The following CPAP variants were observed in gnomAD, a reference collection of about 807,000 sequenced individuals.
CPAP encodes centrosome assembly and centriole elongation protein, also known as centrosomal P4.1-associated protein.
chr13:24,917,143 G>C, the CPAP span, among the ~76,000 whole-genome samples: 1 of 152,024 alleles, frequency 6.6e-6, no homozygotes, highest in Non-Finnish European at 1.5e-5. Context: ...CCAGCTACTC[G>C]GGGAGGCTGA....
chr13:24,903,917 C>G, the CPAP span: 3 of 1,614,022 alleles, frequency 1.9e-6, no homozygotes, highest in Non-Finnish European at 2.5e-6. Context: ...CTTACAGACC[C>G]AAACGTACCT....
the CPAP span, chr13:24,912,735 T>C: frequency 1.9e-6 from 3 of 1,614,198 alleles, no homozygotes; most frequent in South Asian, 3.3e-5. Context: ...AAGGAAAGGC[T>C]GTATGGGTTT....
At chr13:24,933,528 G>A in the CPAP span, 1 of 170,606 alleles carries the variant, frequency 5.9e-6, no homozygotes, top group Non-Finnish European at 1.3e-5. Flanking sequence ...ATACTGGTAA[G>A]CCAGGTTCCT....
chr13:24,892,768 A>G, the CPAP span: 1 of 1,613,718 alleles, frequency 6.2e-7, no homozygotes, highest in East Asian at 2.2e-5. Flanking sequence ...TCTCTGACTA[A>G]CATTTGTATC....
chr13:24,921,483 G>C, the CPAP span, among the ~76,000 whole-genome samples: 2 of 152,166 alleles, frequency 1.3e-5, no homozygotes, highest in East Asian at 3.8e-4. Flanking sequence ...AACTGGGAAG[G>C]TTAATACAGG....
At chr13:24,908,520 C>A in the CPAP span, among the ~76,000 whole-genome samples, 1 of 148,568 alleles carries the variant, frequency 6.7e-6, no homozygotes. Context: ...AGGCTGAGAG[C>A]AAGCAGAGGT....
the CPAP span, chr13:24,885,814 A>G: frequency 1.5e-6 from 1 of 673,940 alleles, no homozygotes; most frequent in African/African-American, 1.8e-5. Context: ...TTTCTTTACT[A>G]ATTTGTAGTT....
chr13:24,893,953 G>A, the CPAP span, among the ~76,000 whole-genome samples: 3 of 152,082 alleles, frequency 2.0e-5, no homozygotes, highest in Non-Finnish European at 2.9e-5. Flanking sequence ...AGGGGGTGAC[G>A]GGAGAGTGGC....
the CPAP span, chr13:24,907,928 A>G: frequency 8.1e-6 from 8 of 988,086 alleles, no homozygotes; most frequent in Non-Finnish European, 1.3e-5. Context: ...CCAGAAAAAT[A>G]TAGATCTTTC....
At chr13:24,895,513 G>A in the CPAP span, among the ~76,000 whole-genome samples, 3 of 152,070 alleles carry the variant, frequency 2.0e-5, no homozygotes, top group African/African-American at 4.8e-5. Flanking sequence ...GGGAGGGGCC[G>A]GCCACTGCAC....
At chr13:24,885,163 G>A in the CPAP span, 1 of 717,784 alleles carries the variant, frequency 1.4e-6, no homozygotes, top group Non-Finnish European at 2.4e-6. Flanking sequence ...ACGAGAAATG[G>A]CAACTAAAGG....
At chr13:24,900,633 A>G in the CPAP span, among the ~76,000 whole-genome samples, 1 of 151,950 alleles carries the variant, frequency 6.6e-6, no homozygotes, top group Non-Finnish European at 1.5e-5. Flanking sequence ...CAAGAGTGAA[A>G]CTCCATCTCA....
At chr13:24,905,346 C>T in the CPAP span, 12 of 1,613,366 alleles carry the variant, frequency 7.4e-6, no homozygotes, top group Non-Finnish European at 1.0e-5. Flanking sequence ...TCTGACTCAC[C>T]AGGTGGTTGG....
At chr13:24,906,409 C>T in the CPAP span, 1 of 1,613,564 alleles carries the variant, frequency 6.2e-7, no homozygotes, top group Non-Finnish European at 8.5e-7. Context: ...TCATGGTCTC[C>T]CTTATGGGGC....
At chr13:24,907,927 T>C in the CPAP span, 1 of 984,292 alleles carries the variant, frequency 1.0e-6, no homozygotes, top group South Asian at 1.3e-5. Flanking sequence ...ACCAGAAAAA[T>C]ATAGATCTTT....
At chr13:24,930,810 T>C in the CPAP span, among the ~76,000 whole-genome samples, 1 of 152,240 alleles carries the variant, frequency 6.6e-6, no homozygotes, top group Non-Finnish European at 1.5e-5. Flanking sequence ...ATGAGTTCTT[T>C]TCTTTTGGAT....
chr13:24,889,575 G>A, the CPAP span, among the ~76,000 whole-genome samples: 3 of 93,332 alleles, frequency 3.2e-5, no homozygotes, highest in East Asian at 2.2e-4. Context: ...ATCACTGCGC[G>A]TGTGCACACA....
chr13:24,913,001 C>G, the CPAP span: 1 of 1,614,068 alleles, frequency 6.2e-7, no homozygotes, highest in Non-Finnish European at 8.5e-7. Flanking sequence ...CTGTTTAACT[C>G]TGAAGAGGTT....
chr13:24,930,607 C>G, the CPAP span, among the ~76,000 whole-genome samples: 1 of 152,286 alleles, frequency 6.6e-6, no homozygotes, highest in Admixed American at 6.5e-5. Flanking sequence ...GAACAATGGC[C>G]TCCAGTTGCA....
Sources: gnomAD v4.1 joint callset for allele counts (sites outside exome capture counted in the v4.1 genomes callset) on GRCh38, gnomAD v4.1.1 for gene constraint, MANE v1.5 for transcripts, NCBI Gene and HGNC (gene_info 2026-07-23, HGNC 2026-07-21) for gene names.